Variants in WDR7 observed in about 807,000 individuals in gnomAD.
The protein encoded by WDR7 is WD repeat-containing protein 7.
A neutral mutation model predicts 169.4 loss-of-function variants in WDR7; 46 were observed. The ratio of observed to expected loss-of-function variants is 0.27; its 90% confidence interval spans 0.21 to 0.35. The LOEUF (loss-of-function observed/expected upper bound fraction) is 0.35, where lower values mean the gene tolerates loss of function less well. Among genes scored for constraint, WDR7 ranks in the 10% least tolerant of loss-of-function variants. WDR7 has a pLI of 1.00. For synonymous variants in WDR7, 612 were observed against 666.8 expected (o/e 0.92, Z 1.27); for missense variants, 1,534 against 1,859.3 (o/e 0.83, Z 3.22).
intron 26 of WDR7, among the ~76,000 whole-genome samples, chr18:57,018,012 C>A (rs2048231133): frequency 6.6e-6 from 1 of 152,224 alleles, no homozygotes; most frequent in Non-Finnish European, 1.5e-5. Flanking sequence ...TTACAAAAAG[C>A]TAACTTGCTA....
intron 12 of WDR7, among the ~76,000 whole-genome samples, chr18:56,707,966 A>G (rs1343296527): frequency 1.3e-5 from 2 of 152,062 alleles, no homozygotes; most frequent in Non-Finnish European, 2.9e-5. Context: ...GTTTGTTTCC[A>G]TAAGAAAGGA....
chr18:56,823,780 A>G (rs1381257964), intron 20 of WDR7, among the ~76,000 whole-genome samples: 1 of 152,176 alleles, frequency 6.6e-6, no homozygotes, highest in East Asian at 1.9e-4. Flanking sequence ...AAGTTCTTGT[A>G]AAATGTGCCT....
intron 20 of WDR7, among the ~76,000 whole-genome samples, chr18:56,834,893 C>T (rs9945866): frequency 0.053 from 8,039 of 152,192 alleles, 741 homozygotes; most frequent in African/African-American, 0.18. Flanking sequence ...GAATCTTTTT[C>T]AGTGCATTAG....
At chr18:56,738,256 G>T (rs1406876545) in intron 14 of WDR7, among the ~76,000 whole-genome samples, 6 of 152,136 alleles carry the variant, frequency 3.9e-5, no homozygotes, top group Non-Finnish European at 7.3e-5. Context: ...ATTAGCTTTG[G>T]TGATTATATG....
intron 20 of WDR7, among the ~76,000 whole-genome samples, chr18:56,839,917 CT>C (rs1238356186): frequency 1.3e-5 from 2 of 152,218 alleles, no homozygotes; most frequent in South Asian, 4.1e-4. Context: ...AAAAAATTAG[CT>C]GGGCATGGTG....
At position 56,696,404 on chromosome 18, in the gene WDR7, T is replaced by A. The variant is rs1026009818; in HGVS notation, c.1520T>A (p.Ile507Asn). 5.6e-6 allele frequency: 9 copies of A among 1,614,024 alleles called. No individual in the cohort carries two copies. Among genetic ancestry groups the A allele is most frequent in the Non-Finnish European group, 7.6e-6 (9 of 1,180,024 alleles). ...WDIFSGEMKH[I>N]FCVHGGEITQ... is the part of the protein sequence containing the mutation. ...ATATTTTCTGGAGAAATGAAACATATCTTCTGTGTTCATGGTGGTGAGATT... is the reference window on the plus strand; with the variant it reads ...ATATTTTCTGGAGAAATGAAACATAACTTCTGTGTTCATGGTGGTGAGATT... Residue 507 changes from isoleucine (I) to asparagine (N), a missense_variant, in exon 12 of 28, where the codon ATC becomes AAC. Transcript: ENST00000254442.
chr18:56,993,512 G>C (rs566188410), intron 26 of WDR7, among the ~76,000 whole-genome samples: 1 of 152,014 alleles, frequency 6.6e-6, no homozygotes, highest in African/African-American at 2.4e-5. Flanking sequence ...AAAGTGTGAC[G>C]TCGTGTCTAG....
intron 7 of WDR7, among the ~76,000 whole-genome samples, chr18:56,688,526 G>C (rs1025178076): frequency 2.7e-5 from 4 of 149,652 alleles, no homozygotes; most frequent in African/African-American, 9.9e-5. Context: ...AGACCAGCCT[G>C]GCCAACATGT....
intron 14 of WDR7, among the ~76,000 whole-genome samples, chr18:56,739,022 T>C (rs2043571633): frequency 6.6e-6 from 1 of 151,832 alleles, no homozygotes. Context: ...GATTTTTTTT[T>C]TCTAAATTGC....
intron 25 of WDR7, among the ~76,000 whole-genome samples, chr18:56,958,143 A>G (rs114162575): frequency 0.012 from 1,890 of 152,258 alleles, 54 homozygotes; most frequent in African/African-American, 0.044. Flanking sequence ...CCCAAGCAAC[A>G]TGGTGTGCTT....
rs1017767148 is a variant in WDR7 at position 57,029,122 on chromosome 18, C to G, written c.*1915C>G. On this transcript the variant is annotated 3_prime_UTR_variant, in exon 28 of 28. Coordinates refer to ENST00000254442, the MANE Select transcript of WDR7 (RefSeq NM_015285.3). ...TTGGAATGATGAGGTAAATGTATAC[C>G]TTAGCATTTTCTTTAACAAAAATGT... 1 of 152,146 alleles carries G rather than the reference C, an allele frequency of 6.6e-6. No homozygotes were observed. Among genetic ancestry groups the G allele is most frequent in the Non-Finnish European group, 1.5e-5 (1 of 68,012 alleles). 9.4% of individuals were successfully genotyped at this position (152,146 alleles called of 1,614,324 possible).
In WDR7 at chr18:56,917,792, C is replaced by T. The variant is rs571342387; in HGVS notation, c.3527-6130C>T. Among the ~76,000 whole-genome samples, 8 of 152,214 alleles carry T rather than the reference C, an allele frequency of 5.3e-5. No individual in the cohort carries two copies. In the South Asian group the frequency reaches 1.2e-3, roughly 24 times the overall value. ...TCCTTTTCTCCTTTTTAGCATTTTG[C>T]TGTTACAGCAAAGTGTAAATATTTT... On this transcript the variant is annotated intron_variant, in intron 21 of 27. Coordinates refer to ENST00000254442, the MANE Select transcript of WDR7 (RefSeq NM_015285.3).
chr18:56,776,674 T>C (rs1599035041), intron 16 of WDR7, 108 bp from the exon 17 acceptor site: 1 of 856,002 alleles, frequency 1.2e-6, no homozygotes, highest in East Asian at 2.4e-5. Flanking sequence ...TTCTACATTC[T>C]CTGTTTTGCC....
intron 13 of WDR7, among the ~76,000 whole-genome samples, chr18:56,724,323 T>C (rs1165418011): frequency 6.6e-6 from 1 of 151,090 alleles, no homozygotes; most frequent in Non-Finnish European, 1.5e-5. Context: ...GTGATTATCC[T>C]GCCTCAGGCC....
intron 1 of WDR7, among the ~76,000 whole-genome samples, chr18:56,666,990 A>T (rs2025039700): frequency 6.6e-6 from 1 of 151,888 alleles, no homozygotes; most frequent in African/African-American, 2.4e-5. Flanking sequence ...GCGTTATTTC[A>T]TAAACTTTTG....
intron 21 of WDR7, among the ~76,000 whole-genome samples, chr18:56,907,998 A>T (rs932675831): frequency 6.6e-6 from 1 of 152,156 alleles, no homozygotes; most frequent in Non-Finnish European, 1.5e-5. Flanking sequence ...TCTGTTTGTC[A>T]TTGAGGGTGG....
intron 13 of WDR7, among the ~76,000 whole-genome samples, chr18:56,724,583 A>G (rs1247540523): frequency 6.6e-6 from 1 of 151,658 alleles, no homozygotes; most frequent in Non-Finnish European, 1.5e-5. Flanking sequence ...ATATTTTTGT[A>G]TTCCTGTAAA....
At chr18:56,870,049 T>C (rs2045932671) in intron 20 of WDR7, among the ~76,000 whole-genome samples, 1 of 152,154 alleles carries the variant, frequency 6.6e-6, no homozygotes, top group African/African-American at 2.4e-5. Context: ...TTATCACCAA[T>C]CTATGTCTTT....
intron 12 of WDR7, among the ~76,000 whole-genome samples, chr18:56,697,960 G>A (rs1568143828): frequency 6.6e-6 from 1 of 152,228 alleles, no homozygotes; most frequent in East Asian, 1.9e-4. Context: ...TTGGGAGGCT[G>A]AGGCAGGCGT....
Sources: allele counts gnomAD v4.1 joint callset (sites outside exome capture counted in the v4.1 genomes callset), GRCh38; gene constraint gnomAD v4.1.1; transcripts MANE v1.5; gene names NCBI Gene and HGNC (gene_info 2026-07-23, HGNC 2026-07-21).